FAM107B: variants seen among roughly 807,000 people sequenced by gnomAD.
FAM107B encodes the protein family with sequence similarity 107 member B, also known as protein FAM107B.
Under a neutral mutation model 31.5 loss-of-function variants are expected in FAM107B, and 21 were observed. That is an observed-to-expected ratio of 0.67 (90% confidence interval 0.47 to 0.96). The LOEUF (loss-of-function observed/expected upper bound fraction) is 0.96. Ranked by LOEUF, FAM107B falls within the 40% of genes least tolerant of loss-of-function variation. The probability of loss-of-function intolerance (pLI) is 0.00; values close to 1 mark genes in which losing one functional copy is unlikely to be tolerated. For synonymous variants in FAM107B, 157 were observed against 141.5 expected (o/e 1.11, Z -0.78); for missense variants, 452 against 377.1 (o/e 1.20, Z -1.64).
chr10:14,683,399 A>G (rs1854890072), intron 1 of FAM107B, among the ~76,000 whole-genome samples: 1 of 152,228 alleles, frequency 6.6e-6, no homozygotes. Context: ...GTGTGTTTCA[A>G]GGTTTAGAGA....
At chr10:14,559,308 A>C (rs915400258) in intron 2 of FAM107B, among the ~76,000 whole-genome samples, 2 of 152,182 alleles carry the variant, frequency 1.3e-5, no homozygotes, top group African/African-American at 4.8e-5. Context: ...CGCGTGAGCC[A>C]GCCACCCACC....
At chr10:14,713,987 A>G (rs1354554881) in intron 1 of FAM107B, among the ~76,000 whole-genome samples, 1 of 152,184 alleles carries the variant, frequency 6.6e-6, no homozygotes, top group Non-Finnish European at 1.5e-5. Context: ...CTGAGTACAT[A>G]TGGACACAGA....
chr10:14,706,819 A>G (rs1855531178), intron 1 of FAM107B, among the ~76,000 whole-genome samples: 1 of 152,102 alleles, frequency 6.6e-6, no homozygotes, highest in Non-Finnish European at 1.5e-5. Context: ...TGGATGATGC[A>G]CCCAACTATA....
At chr10:14,540,530 CCCTCCCTCTGT>C (rs1464116440) in intron 2 of FAM107B, among the ~76,000 whole-genome samples, 1 of 152,174 alleles carries the variant, frequency 6.6e-6, no homozygotes, top group Non-Finnish European at 1.5e-5. Flanking sequence ...CCCTGGACCA[CCCTCCCTCTGT>C]CCTCCCCCTG....
chr10:14,693,802 C>T (rs1454292694), intron 1 of FAM107B, among the ~76,000 whole-genome samples: 1 of 152,184 alleles, frequency 6.6e-6, no homozygotes, highest in Non-Finnish European at 1.5e-5. Context: ...GTTTTATTCT[C>T]TACCTCTGTA....
At chr10:14,652,756 T>TA (rs1174370895) in intron 2 of FAM107B, 2 of 152,202 alleles carry the variant, frequency 1.3e-5, no homozygotes, top group Non-Finnish European at 2.9e-5. Flanking sequence ...TTTAAGGTAA[T>TA]ACGCTCCTGA....
chr10:14,545,338 T>G (rs565424175), intron 2 of FAM107B, among the ~76,000 whole-genome samples: 58 of 152,272 alleles, frequency 3.8e-4, no homozygotes, highest in African/African-American at 1.4e-3. Flanking sequence ...ATCACCTTCA[T>G]AGTGGTTTAG....
chr10:14,521,321 GA>G lies in FAM107B; in HGVS notation c.805-16del. On this transcript the variant is annotated splice_polypyrimidine_tract_variant and intron_variant, in intron 4 of 4. Transcript: ENST00000181796. ...TCAAGTTCAAGCTAAATGACATTCA[GA>G]AAAGGAAAAATTATTTACAAACCAA... The G allele has an allele frequency of 1.9e-6, 3 of 1,602,786 alleles. No individual in the cohort carries two copies. The highest frequency in any genetic ancestry group is 2.6e-6 in the Non-Finnish European group (3 of 1,171,464).
chr10:14,569,298 G>C (rs971541291), intron 2 of FAM107B, among the ~76,000 whole-genome samples: 1 of 152,096 alleles, frequency 6.6e-6, no homozygotes, highest in Non-Finnish European at 1.5e-5. Context: ...AATATTTCTT[G>C]ACAATAAAAG....
chr10:14,663,547 G>T (rs1188656498), intron 2 of FAM107B: 1 of 152,168 alleles, frequency 6.6e-6, no homozygotes, highest in Non-Finnish European at 1.5e-5. Context: ...TGCTGAAATG[G>T]GGTACCCATT....
intron 2 of FAM107B, among the ~76,000 whole-genome samples, chr10:14,606,154 C>T (rs1288141765): frequency 4.6e-5 from 7 of 152,098 alleles, no homozygotes; most frequent in South Asian, 4.1e-4. Context: ...GCCAGAGTGC[C>T]GTATTTGCTA....
In FAM107B at chr10:14,520,410, C is replaced by T. The variant is rs1845519810; in HGVS notation, c.*780G>A. Reference sequence around the variant, plus strand: ...TGGAAGGTTATTCCATCTGAAAGAACTAGATCAGCAAGACATTTAAAAACA... The same window carrying T: ...TGGAAGGTTATTCCATCTGAAAGAATTAGATCAGCAAGACATTTAAAAACA... On this transcript the variant is annotated 3_prime_UTR_variant, in exon 5 of 5. Coordinates refer to ENST00000181796, the MANE Select transcript of FAM107B (RefSeq NM_031453.4). The T allele has an allele frequency of 6.6e-6, 1 of 152,222 alleles. No homozygotes were observed. The highest frequency in any genetic ancestry group is 2.4e-5 in the African/African-American group (1 of 41,462). The allele number at this position is 152,222 out of a possible 1,614,324, so 9.4% of individuals were successfully genotyped here. A position where few individuals can be genotyped will look rare whatever the true frequency, so the allele number is the denominator to read the frequency against.
chr10:14,724,903 A>G (rs1855995490), intron 1 of FAM107B, among the ~76,000 whole-genome samples: 1 of 152,222 alleles, frequency 6.6e-6, no homozygotes, highest in South Asian at 2.1e-4. Flanking sequence ...ACATTTCTAG[A>G]GTTCATTTGA....
At chr10:14,577,185 T>G (rs2131292971) in intron 2 of FAM107B, among the ~76,000 whole-genome samples, 1 of 152,368 alleles carries the variant, frequency 6.6e-6, no homozygotes, top group African/African-American at 2.4e-5. Context: ...AATTGCGTAT[T>G]CTCGATGTGT....
intron 1 of FAM107B, among the ~76,000 whole-genome samples, chr10:14,712,151 T>A (rs1246214578): frequency 6.6e-6 from 1 of 152,160 alleles, no homozygotes; most frequent in Non-Finnish European, 1.5e-5. Flanking sequence ...ATTGATAGTT[T>A]TCGAAGGTAC....
At chr10:14,604,867 TTC>T (rs1305217685) in intron 2 of FAM107B, among the ~76,000 whole-genome samples, 1 of 152,060 alleles carries the variant, frequency 6.6e-6, no homozygotes, top group African/African-American at 2.4e-5. Flanking sequence ...CTCATTCTCA[TTC>T]TCTTTCATTC....
intron 1 of FAM107B, among the ~76,000 whole-genome samples, chr10:14,754,237 C>T (rs1222434298): frequency 6.6e-6 from 1 of 152,184 alleles, no homozygotes; most frequent in Non-Finnish European, 1.5e-5. Context: ...CCTTGCCCGG[C>T]CACCAGTGAA....
At chr10:14,527,960 A>C (rs1211243282) in intron 3 of FAM107B, 2 of 296,354 alleles carry the variant, frequency 6.7e-6, no homozygotes, top group Admixed American at 4.9e-5. Flanking sequence ...AAGAGATAAG[A>C]TGAGATATAT....
At chr10:14,734,987 G>A (rs558156416) in intron 1 of FAM107B, among the ~76,000 whole-genome samples, 1 of 152,316 alleles carries the variant, frequency 6.6e-6, no homozygotes, top group Non-Finnish European at 1.5e-5. Context: ...TCAGCAGAGT[G>A]AGTCTCGAGC....
Sources: gnomAD v4.1 joint callset for allele counts (sites outside exome capture counted in the v4.1 genomes callset) on GRCh38, gnomAD v4.1.1 for gene constraint, MANE v1.5 for transcripts, NCBI Gene and HGNC (gene_info 2026-07-23, HGNC 2026-07-21) for gene names.